Variants in ACOXL observed in about 807,000 individuals in gnomAD.
The protein encoded by ACOXL is acyl-CoA oxidase like.
In ACOXL, 70 loss-of-function variants were observed where a neutral mutation model predicts 71.9. The observed-to-expected ratio is 0.97, with a 90% CI of 0.80 to 1.19. The LOEUF is 1.19. Among genes scored for constraint, ACOXL ranks in the 50% most tolerant of loss-of-function variants. The pLI, the probability that ACOXL is intolerant of heterozygous loss-of-function variation, is 0.00. For synonymous variants in ACOXL, 253 were observed against 281.6 expected, an observed-to-expected ratio of 0.90 and a Z score of 1.02; for missense variants, 703 against 736.3, an observed-to-expected ratio of 0.95 and a Z score of 0.52.
At chr2:111,095,394 T>TC (rs976560663) in intron 17 of ACOXL, among the ~76,000 whole-genome samples, 3 of 143,488 alleles carry the variant, frequency 2.1e-5, no homozygotes, top group East Asian at 2.0e-4. Flanking sequence ...TCTTTTTCTT[T>TC]TTTTTTTTTT....
intron 10 of ACOXL, among the ~76,000 whole-genome samples, chr2:110,863,333 C>T (rs1445706629): frequency 1.3e-5 from 2 of 152,158 alleles, no homozygotes; most frequent in Non-Finnish European, 2.9e-5. Context: ...TTAAAAAGCT[C>T]CACATCAGGT....
chr2:110,756,850 TC>T (rs541397247), intron 1 of ACOXL, among the ~76,000 whole-genome samples: 1 of 152,180 alleles, frequency 6.6e-6, no homozygotes, highest in Non-Finnish European at 1.5e-5. Context: ...TTATCACACA[TC>T]TTTTTAAAAA....
At chr2:110,899,749 C>T (rs1456617924) in intron 10 of ACOXL, among the ~76,000 whole-genome samples, 1 of 152,124 alleles carries the variant, frequency 6.6e-6, no homozygotes, top group Non-Finnish European at 1.5e-5. Context: ...AAAAAAATCT[C>T]AAGGAATCAC....
At chr2:110,965,244 A>T (rs928261236) in intron 12 of ACOXL, among the ~76,000 whole-genome samples, 2 of 152,250 alleles carry the variant, frequency 1.3e-5, no homozygotes, top group Admixed American at 1.3e-4. Context: ...ATTTAGGTTG[A>T]TTCCACATCT....
At chr2:110,856,088 T>C in intron 10 of ACOXL, among the ~76,000 whole-genome samples, 1 of 152,300 alleles carries the variant, frequency 6.6e-6, no homozygotes, top group South Asian at 2.1e-4. Context: ...AAAGCACTGA[T>C]TGGTGCATTT....
At chr2:110,885,549 T>C (rs1558673450) in intron 10 of ACOXL, among the ~76,000 whole-genome samples, 1 of 152,226 alleles carries the variant, frequency 6.6e-6, no homozygotes, top group Non-Finnish European at 1.5e-5. Flanking sequence ...ACTGGAGGTA[T>C]AAAGTATGTA....
chr2:110,838,332 G>A (rs1690709947), intron 9 of ACOXL, among the ~76,000 whole-genome samples: 1 of 152,194 alleles, frequency 6.6e-6, no homozygotes, highest in African/African-American at 2.4e-5. Flanking sequence ...ATGTGTGTGT[G>A]CAGTGTACAT....
At chr2:111,057,870 T>C (rs2066623405) in intron 16 of ACOXL, among the ~76,000 whole-genome samples, 1 of 152,250 alleles carries the variant, frequency 6.6e-6, no homozygotes, top group Non-Finnish European at 1.5e-5. Flanking sequence ...AGTATCTAAA[T>C]GGAGAACCAG....
At chr2:110,809,230 T>C (rs1687023260) in intron 9 of ACOXL, among the ~76,000 whole-genome samples, 1 of 152,260 alleles carries the variant, frequency 6.6e-6, no homozygotes. Context: ...ATGTGCTTCA[T>C]GTGTACACAC....
At chr2:111,099,719 A>G (rs752683694) in intron 17 of ACOXL, 1 of 152,216 alleles carries the variant, frequency 6.6e-6, no homozygotes, top group Non-Finnish European at 1.5e-5. Flanking sequence ...GTGTCCAGGC[A>G]TTATCCTGTT....
At position 111,092,876 on chromosome 2, in the gene ACOXL, G is replaced by T; in HGVS notation, c.1452G>T (p.Leu484Phe). ...CCCCCACCCCTTAGTTTTGTCTGTTGTATGGAACCAAGCTGGTGTTTCAGG... is the reference window on the plus strand; with the variant it reads ...CCCCCACCCCTTAGTTTTGTCTGTTTTATGGAACCAAGCTGGTGTTTCAGG... ...DQTLLMKFCLLYGTKLVFQER... is the reference protein window; with the variant it reads ...DQTLLMKFCLFYGTKLVFQER... Residue 484 changes from leucine to phenylalanine, a missense_variant, in exon 17 of 18, where the codon TTG becomes TTT. Leu to Phe is a conservative substitution (Grantham distance 22). Transcript: ENST00000439055. 1 of 1,613,496 alleles carries T rather than the reference G, an allele frequency of 6.2e-7. No individual in the cohort carries two copies. Among genetic ancestry groups the T allele is most frequent in the Non-Finnish European group, 8.5e-7 (1 of 1,179,742 alleles).
intron 16 of ACOXL, among the ~76,000 whole-genome samples, chr2:111,065,404 C>A (rs538788570): frequency 8.7e-4 from 133 of 152,270 alleles, no homozygotes; most frequent in Non-Finnish European, 1.7e-3. Flanking sequence ...TGTAACACTG[C>A]AAAAACTTTA....
chr2:110,951,208 A>G (rs1299780778), intron 12 of ACOXL, among the ~76,000 whole-genome samples: 1 of 152,182 alleles, frequency 6.6e-6, no homozygotes, highest in Non-Finnish European at 1.5e-5. Context: ...GTAGATATCT[A>G]TTATAAAGTG....
At chr2:110,797,473 G>T (rs988901251) in intron 5 of ACOXL, among the ~76,000 whole-genome samples, 15 of 152,172 alleles carry the variant, frequency 9.9e-5, no homozygotes, top group African/African-American at 3.6e-4. Context: ...GTTGAAATGA[G>T]GGATTTCTTT....
chr2:110,794,973 A>G (rs1237047964), intron 5 of ACOXL, among the ~76,000 whole-genome samples: 2 of 151,506 alleles, frequency 1.3e-5, no homozygotes, highest in Admixed American at 6.6e-5. Flanking sequence ...AAAGAAAGCA[A>G]CTGTGTACTT....
At chr2:110,951,442 C>A (rs1252490706) in intron 12 of ACOXL, among the ~76,000 whole-genome samples, 1 of 152,112 alleles carries the variant, frequency 6.6e-6, no homozygotes, top group Non-Finnish European at 1.5e-5. Context: ...TGTTTCTTTG[C>A]CTATATTATA....
chr2:110,964,604 G>T (rs986174389), intron 12 of ACOXL, among the ~76,000 whole-genome samples: 1 of 152,202 alleles, frequency 6.6e-6, no homozygotes, highest in Non-Finnish European at 1.5e-5. Flanking sequence ...ATGTGGTGGA[G>T]CCTATTGCTC....
In ACOXL at chr2:110,908,409, G is replaced by A. The variant is rs781647683; in HGVS notation, c.789-380G>A. On this transcript the variant is annotated intron_variant, in intron 10 of 17. Coordinates refer to ENST00000439055, the MANE Select transcript of ACOXL (RefSeq NM_001142807.4). ...TGTTGAGAATGTCCTTTTGAAATATGTTCTAGGGTATTGCTCCTGTCCTAT... is the reference window on the plus strand; with the variant it reads ...TGTTGAGAATGTCCTTTTGAAATATATTCTAGGGTATTGCTCCTGTCCTAT... Among the ~76,000 whole-genome samples, 14 of 152,168 alleles carry A rather than the reference G, an allele frequency of 9.2e-5. 1 individual carries two copies. Among genetic ancestry groups the A allele is most frequent in the Non-Finnish European group, 1.3e-4 (9 of 68,028 alleles).
chr2:110,848,036 G>T (rs1467439953), intron 10 of ACOXL, among the ~76,000 whole-genome samples: 1 of 152,212 alleles, frequency 6.6e-6, no homozygotes, highest in Admixed American at 6.5e-5. Context: ...CAGCATCAAT[G>T]AGCAAATGAA....
Sources: allele counts gnomAD v4.1 joint callset (sites outside exome capture counted in the v4.1 genomes callset), GRCh38; gene constraint gnomAD v4.1.1; transcripts MANE v1.5; gene names NCBI Gene and HGNC (gene_info 2026-07-23, HGNC 2026-07-21).